FAM220A: variants seen among roughly 807,000 people sequenced by gnomAD.
FAM220A encodes protein FAM220A.
For missense variants in FAM220A, 392 were observed against 321.6 expected (o/e 1.22, Z -1.68); for synonymous variants, 141 against 130.7 (o/e 1.08, Z -0.54).
chr7:6,343,023 G>T (rs1183090318), intron 1 of FAM220A, among the ~76,000 whole-genome samples: 1 of 144,168 alleles, frequency 6.9e-6, no homozygotes, highest in Non-Finnish European at 1.5e-5. Context: ...GATGACAGAG[G>T]AAGACGCTTT....
At chr7:6,339,448 A>T (rs1781806870) in intron 1 of FAM220A, among the ~76,000 whole-genome samples, 2 of 152,054 alleles carry the variant, frequency 1.3e-5, no homozygotes, top group South Asian at 4.2e-4. Flanking sequence ...ATAAAAAATA[A>T]ATCATCTGCC....
intron 1 of FAM220A, among the ~76,000 whole-genome samples, chr7:6,333,502 G>C (rs1318587010): frequency 1.3e-5 from 2 of 152,106 alleles, no homozygotes; most frequent in East Asian, 1.9e-4. Flanking sequence ...TCATATTGTT[G>C]TTGTTGCTGT....
intron 1 of FAM220A, among the ~76,000 whole-genome samples, chr7:6,339,383 G>C (rs1368861814): frequency 5.3e-5 from 8 of 152,066 alleles, no homozygotes; most frequent in Non-Finnish European, 2.9e-5. Flanking sequence ...TGGGAGGATC[G>C]TTTGAGCCTA....
At position 6,332,179 on chromosome 7, in the gene FAM220A, T is replaced by C. The variant is rs563465739; in HGVS notation, c.-81-944A>G. Among the ~76,000 whole-genome samples the C allele has an allele frequency of 3.3e-5, 5 of 151,986 alleles. No homozygotes were observed. In the South Asian group the frequency reaches 1.0e-3, roughly 32 times the overall value. On this transcript the variant is annotated intron_variant, in intron 1 of 1. Transcript: ENST00000313324. The stretch of plus-strand genomic sequence containing the variant: ...CAAAAAATAACATGACTGGGCATGC[T>C]ACCTAGTGCATCCTTCAGGTTATGT...
Position 6,330,719 on chromosome 7 carries a change from G to T in FAM220A, c.436C>A (p.Pro146Thr). Residue 146 changes from proline to threonine, a missense_variant, in exon 2 of 2, where the codon CCC (proline) becomes ACC (threonine). Coordinates refer to ENST00000313324, the MANE Select transcript of FAM220A (RefSeq NM_001037163.2). ...CGTGACACCCGAGGCTCTCCTTTGG[G>T]GCACTGTCCTCTGTGGCCGTCAGTG... is the stretch of plus-strand genomic sequence containing the variant. ...RATDGHRGQC[P>T]KGEPRVSRLP... 1.2e-6 allele frequency: 2 copies of T among 1,614,092 alleles called. No individual in the cohort carries two copies. The highest frequency in any genetic ancestry group is 1.7e-6 in the Non-Finnish European group (2 of 1,180,026).
At chr7:6,338,912 G>A (rs542354944) in intron 1 of FAM220A, among the ~76,000 whole-genome samples, 135 of 152,222 alleles carry the variant, frequency 8.9e-4, no homozygotes, top group African/African-American at 2.7e-3. Flanking sequence ...AGGGACTGCC[G>A]CACGCAAGGA....
intron 1 of FAM220A, among the ~76,000 whole-genome samples, chr7:6,336,244 G>C (rs1049893147): frequency 6.6e-6 from 1 of 151,898 alleles, no homozygotes; most frequent in Non-Finnish European, 1.5e-5. Context: ...CACTTGAGAG[G>C]CTGAGGTAGG....
intron 1 of FAM220A, among the ~76,000 whole-genome samples, chr7:6,335,233 T>G (rs1583237325): frequency 1.2e-5 from 1 of 83,534 alleles, no homozygotes; most frequent in South Asian, 3.9e-4. Flanking sequence ...CAGCTATTTT[T>G]TTTTTTTAAA....
At chr7:6,342,854 T>C (rs919030896) in intron 1 of FAM220A, among the ~76,000 whole-genome samples, 6 of 151,244 alleles carry the variant, frequency 4.0e-5, no homozygotes, top group Admixed American at 6.6e-5. Flanking sequence ...CTGGGCAACA[T>C]AGTGAGACCC....
Position 6,331,245 on chromosome 7 carries a change from G to T in FAM220A, c.-81-10C>A. The stretch of plus-strand genomic sequence containing the variant: ...GGATCTCAATATGAACCTAGGAAAG[G>T]GAATCAAATTAAAGTTCTAAAATGA... On this transcript the variant is annotated splice_polypyrimidine_tract_variant and intron_variant, in intron 1 of 1. Transcript: ENST00000313324. The T allele has an allele frequency of 7.6e-7, 1 of 1,313,466 alleles. No homozygotes were observed. The highest frequency in any genetic ancestry group is 1.0e-6 in the Non-Finnish European group (1 of 961,970). The allele number at this position is 1,313,466 out of a possible 1,614,324, so 81.4% of individuals were successfully genotyped here. A position where few individuals can be genotyped will look rare whatever the true frequency, so the allele number is the denominator to read the frequency against.
chr7:6,334,103 C>T (rs780024758), intron 1 of FAM220A, among the ~76,000 whole-genome samples: 20 of 151,380 alleles, frequency 1.3e-4, no homozygotes, highest in Non-Finnish European at 2.2e-4. Flanking sequence ...ACCTTGGCCT[C>T]CCAAAGTGCT....
intron 1 of FAM220A, 53 bp downstream of exon 1, chr7:6,348,520 G>A (rs941723860): frequency 4.8e-5 from 20 of 412,640 alleles, no homozygotes; most frequent in African/African-American, 1.4e-4. Context: ...CATCCCGCGG[G>A]CGAGGCGGGC....
intron 1 of FAM220A, among the ~76,000 whole-genome samples, chr7:6,335,116 G>C (rs1035332147): frequency 6.6e-6 from 1 of 151,490 alleles, no homozygotes; most frequent in Non-Finnish European, 1.5e-5. Context: ...AGGCTGGACC[G>C]TAGTGGTGCA....
chr7:6,331,261 T>C, intron 1 of FAM220A, 26 bp from the exon 2 acceptor site: 2 of 1,190,672 alleles, frequency 1.7e-6, no homozygotes, highest in Non-Finnish European at 1.2e-6. Flanking sequence ...AAATTAAAGT[T>C]CTAAAATGAA....
In FAM220A at chr7:6,348,811, G is replaced by A. The variant is rs1782005077; in HGVS notation, c.-320C>T. On this transcript the variant is annotated 5_prime_UTR_variant, in exon 1 of 2. Transcript: ENST00000313324. ...CCGCCCGCCCTCTCCGCGCCGCGTC[G>A]CCCCGGCAGCTGACCCTCGCCTGGC... 1 of 395,388 alleles carries A rather than the reference G, an allele frequency of 2.5e-6. No individual in the cohort carries two copies. Among genetic ancestry groups the A allele is most frequent in the Non-Finnish European group, 4.5e-6 (1 of 224,100 alleles). The allele number at this position is 395,388 out of a possible 1,614,324, so 24.5% of individuals were successfully genotyped here.
intron 1 of FAM220A, among the ~76,000 whole-genome samples, chr7:6,342,387 A>C (rs916692212): frequency 2.0e-5 from 3 of 151,940 alleles, no homozygotes; most frequent in African/African-American, 7.3e-5. Context: ...TCTACTAAAA[A>C]TACAAACATT....
At chr7:6,335,474 C>T (rs1200150377) in intron 1 of FAM220A, among the ~76,000 whole-genome samples, 1 of 151,956 alleles carries the variant, frequency 6.6e-6, no homozygotes, top group Non-Finnish European at 1.5e-5. Context: ...GTGATCTGCC[C>T]GCCTCAGCCT....
At chr7:6,339,141 G>A (rs1307934081) in intron 1 of FAM220A, among the ~76,000 whole-genome samples, 1 of 152,154 alleles carries the variant, frequency 6.6e-6, no homozygotes, top group South Asian at 2.1e-4. Context: ...TAACATCACT[G>A]AGTTCCTGCT....
At chr7:6,337,939 T>G (rs1433682793) in intron 1 of FAM220A, among the ~76,000 whole-genome samples, 1 of 151,550 alleles carries the variant, frequency 6.6e-6, no homozygotes, top group Non-Finnish European at 1.5e-5. Context: ...AAGTAGCTGG[T>G]ACTACAGGCA....
Sources: allele counts gnomAD v4.1 joint callset (sites outside exome capture counted in the v4.1 genomes callset), GRCh38; gene constraint gnomAD v4.1.1; transcripts MANE v1.5; gene names NCBI Gene and HGNC (gene_info 2026-07-23, HGNC 2026-07-21).